Variants in MYL12A observed in about 807,000 individuals in gnomAD.
MYL12A encodes the protein myosin light chain 12A.
Under a neutral mutation model 13.3 loss-of-function variants are expected in MYL12A, and 11 were observed. The ratio of observed to expected loss-of-function variants is 0.83; its 90% CI spans 0.52 to 1.37. MYL12A has a LOEUF of 1.37. Ranked by LOEUF, MYL12A falls within the 40% of genes most tolerant of loss-of-function variation. The probability of loss-of-function intolerance (pLI) is 0.00; values close to 1 mark genes in which losing one functional copy is unlikely to be tolerated. For synonymous variants in MYL12A, 51 were observed against 69.9 expected (o/e 0.73, Z 1.35); for missense variants, 146 against 212.3 (o/e 0.69, Z 1.94).
chr18:3,254,006 A>T lies in MYL12A; in HGVS notation c.299A>T (p.Asp100Val). The change falls in exon 3 of 4, where the codon GAT becomes GTT. Residue 100 changes from aspartate to valine, a missense_variant. By Grantham distance (152) the Asp-to-Val change is radical. Coordinates refer to ENST00000217652, the MANE Select transcript of MYL12A (RefSeq NM_006471.4). The stretch of plus-strand genomic sequence containing the variant: ...AAGTTAAATGGCACAGATCCTGAAG[A>T]TGTCATCAGAAATGCCTTTGCTTGC... ...GEKLNGTDPE[D>V]VIRNAFACFD... 6.2e-7 allele frequency: 1 copy of T among 1,613,648 alleles called. No individual in the cohort carries two copies. Among genetic ancestry groups the T allele is most frequent in the Non-Finnish European group, 8.5e-7 (1 of 1,179,782 alleles).
intron 1 of MYL12A, among the ~76,000 whole-genome samples, chr18:3,252,984 AT>A (rs1307900999): frequency 1.3e-5 from 2 of 150,868 alleles, no homozygotes; most frequent in Non-Finnish European, 2.9e-5. Flanking sequence ...TAAGTACCTA[AT>A]TTTTTTTGCT....
At chr18:3,255,319 T>G (rs1464851077) in intron 3 of MYL12A, 1 of 153,430 alleles carries the variant, frequency 6.5e-6, no homozygotes, top group African/African-American at 2.4e-5. Context: ...CTTTCCACTG[T>G]ACCACTTTAT....
At chr18:3,253,514 A>G (rs2081508096) in intron 2 of MYL12A, 86 bp downstream of exon 2, 2 of 1,475,274 alleles carry the variant, frequency 1.4e-6, no homozygotes, top group African/African-American at 1.4e-5. Flanking sequence ...AAGCTCTGTA[A>G]AGCCTGTCTA....
intron 1 of MYL12A, chr18:3,248,352 G>T (rs550170330): frequency 6.6e-6 from 1 of 152,322 alleles, no homozygotes; most frequent in Non-Finnish European, 1.5e-5. Flanking sequence ...CTCAGTATCC[G>T]CTCCTGTAAT....
intron 1 of MYL12A, chr18:3,248,380 A>T: frequency 6.6e-6 from 1 of 152,132 alleles, no homozygotes; most frequent in Admixed American, 6.6e-5. Context: ...TTTTTTCTTT[A>T]AGCGATGAAA....
chr18:3,252,339 T>C, intron 1 of MYL12A: 1 of 1,533,278 alleles, frequency 6.5e-7, no homozygotes, highest in Non-Finnish European at 8.7e-7. Flanking sequence ...TGGTAGAATT[T>C]TATTGTCTGA....
chr18:3,251,245 A>G lies in MYL12A; in HGVS notation c.-15-1988A>G, dbSNP rs181399334. 3.2e-3 allele frequency among the ~76,000 whole-genome samples: 485 copies of G among 152,320 alleles called. 4 individuals are homozygous for G. Among genetic ancestry groups the G allele is most frequent in the African/African-American group, 0.011 (456 of 41,580 alleles). On this transcript the variant is annotated intron_variant, in intron 1 of 3. Coordinates refer to ENST00000217652, the MANE Select transcript of MYL12A (RefSeq NM_006471.4). Reference sequence around the variant, plus strand: ...GAATAGGAAATATATCAGAATTCAGAAAACATACTACTTTACAACCAAAAC... The same window carrying G: ...GAATAGGAAATATATCAGAATTCAGGAAACATACTACTTTACAACCAAAAC...
At chr18:3,252,291 G>A in intron 1 of MYL12A, 1 of 1,528,130 alleles carries the variant, frequency 6.5e-7, no homozygotes, top group African/African-American at 1.4e-5. Context: ...GAGCGGTTTT[G>A]CAGACTACCA....
rs745799600 is a variant in MYL12A at position 3,255,871 on chromosome 18, G to A, written c.469G>A (p.Glu157Lys). The stretch of plus-strand genomic sequence containing the variant: ...TAAAAAGGGGAATTTCAATTACATC[G>A]AGTTCACACGCATCCTGAAACATGG... ...IDKKGNFNYI[E>K]FTRILKHGAK... The change falls in exon 4 of 4, where the codon GAG becomes AAG. Residue 157 changes from glutamate to lysine, a missense_variant. Glu to Lys is a moderately conservative substitution (Grantham distance 56). Coordinates refer to ENST00000217652, the MANE Select transcript of MYL12A (RefSeq NM_006471.4). 12 of 1,613,932 alleles carry A rather than the reference G, an allele frequency of 7.4e-6. No homozygotes were observed. In the African/African-American group the frequency reaches 8.0e-5, roughly 11 times the overall value.
chr18:3,253,775 G>A, intron 2 of MYL12A, 114 bp from the exon 3 acceptor site: 1 of 1,187,306 alleles, frequency 8.4e-7, no homozygotes, highest in South Asian at 1.6e-5. Context: ...ACTCTCATGA[G>A]TGCAAACAGT....
chr18:3,256,117 A>G lies in MYL12A; in HGVS notation c.*199A>G, dbSNP rs755607075. Reference sequence around the variant, plus strand: ...CATTTTCAGAATAAAAAATAGGATAATTTAACCTACCAGCCCTTCTCCCCC... The same window carrying G: ...CATTTTCAGAATAAAAAATAGGATAGTTTAACCTACCAGCCCTTCTCCCCC... On this transcript the variant is annotated 3_prime_UTR_variant, in exon 4 of 4. Coordinates refer to ENST00000217652, the MANE Select transcript of MYL12A (RefSeq NM_006471.4). 110 of 666,362 alleles carry G rather than the reference A, an allele frequency of 1.7e-4. No individual in the cohort carries two copies. The highest frequency in any genetic ancestry group is 4.2e-4 in the Middle Eastern group (1 of 2,404). 41.3% of individuals were successfully genotyped at this position (666,362 alleles called of 1,614,324 possible).
At chr18:3,251,033 T>C (rs1171954158) in intron 1 of MYL12A, among the ~76,000 whole-genome samples, 1 of 148,822 alleles carries the variant, frequency 6.7e-6, no homozygotes, top group Non-Finnish European at 1.5e-5. Context: ...ATAATTAATA[T>C]GACGTTTGAT....
chr18:3,251,184 A>G (rs535793028), intron 1 of MYL12A, among the ~76,000 whole-genome samples: 34 of 152,230 alleles, frequency 2.2e-4, no homozygotes, highest in African/African-American at 8.2e-4. Flanking sequence ...TCTATTTTAT[A>G]ATACATTTAC....
intron 3 of MYL12A, among the ~76,000 whole-genome samples, chr18:3,254,786 C>T (rs1567984838): frequency 6.6e-6 from 1 of 152,206 alleles, no homozygotes; most frequent in Non-Finnish European, 1.5e-5. Flanking sequence ...GAATATTTTC[C>T]GTGATTCCCA....
chr18:3,253,690 A>C, intron 2 of MYL12A, 199 bp from the exon 3 acceptor site: 1 of 694,474 alleles, frequency 1.4e-6, no homozygotes, highest in Non-Finnish European at 2.4e-6. Context: ...CTGACATTCC[A>C]ATGGACTATC....
In MYL12A at chr18:3,255,973, A is replaced by G; in HGVS notation, c.*55A>G. On this transcript the variant is annotated 3_prime_UTR_variant, in exon 4 of 4. Coordinates refer to ENST00000217652, the MANE Select transcript of MYL12A (RefSeq NM_006471.4). ...TTGTTGCCACTTTGGGTATTCTGAG[A>G]TTTTCTCTTGCATGCCCTTAGCTTT... is the stretch of plus-strand genomic sequence containing the variant. The G allele has an allele frequency of 6.3e-7, 1 of 1,587,496 alleles. No individual in the cohort carries two copies.
intron 2 of MYL12A, 74 bp downstream of exon 2, chr18:3,253,502 T>G (rs2081507908): frequency 6.6e-7 from 1 of 1,506,178 alleles, no homozygotes; most frequent in Non-Finnish European, 9.1e-7. Flanking sequence ...TCATGAGTCT[T>G]AAAGCTCTGT....
At chr18:3,248,582 TTTAAC>T (rs2081453252) in intron 1 of MYL12A, 1 of 152,212 alleles carries the variant, frequency 6.6e-6, no homozygotes, top group Admixed American at 6.5e-5. Context: ...TAGCAGAGAT[TTTAAC>T]TTAAGTGCAA....
At chr18:3,253,125 A>T (rs528461098) in intron 1 of MYL12A, 108 bp from the exon 2 acceptor site, 2 of 1,222,476 alleles carry the variant, frequency 1.6e-6, no homozygotes, top group Non-Finnish European at 2.3e-6. Flanking sequence ...TAGCTCAAAC[A>T]TATCAGGAAA....
Sources: allele counts gnomAD v4.1 joint callset (sites outside exome capture counted in the v4.1 genomes callset), GRCh38; gene constraint gnomAD v4.1.1; transcripts MANE v1.5; gene names NCBI Gene and HGNC (gene_info 2026-07-23, HGNC 2026-07-21).